The following MECOM variants were observed in gnomAD, a reference collection of about 807,000 sequenced individuals.
The protein encoded by MECOM is MDS1 and EVI1 complex locus, also known as histone-lysine N-methyltransferase MECOM.
In MECOM, 13 loss-of-function variants were observed where a neutral mutation model predicts 116.3. That is an observed-to-expected ratio of 0.11 (90% confidence interval 0.07 to 0.18). The LOEUF is 0.18. Ranked by LOEUF, MECOM falls within the 10% of genes least tolerant of loss-of-function variation. The probability of loss-of-function intolerance (pLI) is 1.00; values close to 1 mark genes in which losing one functional copy is unlikely to be tolerated. For missense variants in MECOM, 1,299 were observed against 1,509.0 expected, an observed-to-expected ratio of 0.86 and a Z score of 2.31; for synonymous variants, 528 against 535.2, an observed-to-expected ratio of 0.99 and a Z score of 0.19.
chr3:169,114,028 C>A (rs11917303), intron 8 of MECOM, among the ~76,000 whole-genome samples: 90,093 of 151,574 alleles, frequency 0.59, 26,961 homozygotes, highest in Admixed American at 0.67. Flanking sequence ...AGGATGAGTG[C>A]AAGAGATATG....
intron 1 of MECOM, among the ~76,000 whole-genome samples, chr3:169,406,937 G>A (rs557266187): frequency 4.6e-5 from 7 of 150,706 alleles, no homozygotes; most frequent in Middle Eastern, 6.8e-3. Context: ...CACCTCTCCC[G>A]GATTCAAGAA....
rs79152087 is a variant in MECOM, at chr3:169,457,391, C to G, written c.38-75867G>C. ...TCGGCCAAAGGATTAAGCATTAGCT[C>G]CAGGAGTGCAGATAAAATGATTAAG... On this transcript the variant is annotated intron_variant, in intron 1 of 16. Transcript: ENST00000651503. Among the ~76,000 whole-genome samples the G allele has an allele frequency of 1.9e-3, 288 of 152,150 alleles. 5 individuals are homozygous for G. The East Asian group carries it at 0.05, about 26-fold the overall frequency.
chr3:169,340,703 T>G (rs1724352095), intron 2 of MECOM, among the ~76,000 whole-genome samples: 1 of 152,220 alleles, frequency 6.6e-6, no homozygotes, highest in African/African-American at 2.4e-5. Flanking sequence ...AAAATACATT[T>G]AGCCATTTGT....
chr3:169,379,175 C>G (rs1387921574), intron 2 of MECOM, among the ~76,000 whole-genome samples: 16 of 150,998 alleles, frequency 1.1e-4, no homozygotes, highest in Non-Finnish European at 1.9e-4. Flanking sequence ...AAAAAAAACC[C>G]TAAGAAGAAT....
At chr3:169,170,346 G>A (rs1275937980) in intron 2 of MECOM, among the ~76,000 whole-genome samples, 1 of 143,776 alleles carries the variant, frequency 7.0e-6, no homozygotes, top group Non-Finnish European at 1.5e-5. Flanking sequence ...GGCGGAGGTT[G>A]CAGTGAGCCA....
chr3:169,323,019 A>AC, intron 2 of MECOM, among the ~76,000 whole-genome samples: 1 of 150,036 alleles, frequency 6.7e-6, no homozygotes, highest in Admixed American at 6.6e-5. Flanking sequence ...AAAAAAAAAA[A>AC]AAAAAAAGCA....
chr3:169,143,267 CTG>C (rs2149284039), intron 3 of MECOM, among the ~76,000 whole-genome samples: 1 of 152,146 alleles, frequency 6.6e-6, no homozygotes. Context: ...TAAGATAACA[CTG>C]ATACTATGCA....
chr3:169,257,897 A>AC (rs1757043185), intron 2 of MECOM, among the ~76,000 whole-genome samples: 1 of 152,110 alleles, frequency 6.6e-6, no homozygotes, highest in Non-Finnish European at 1.5e-5. Flanking sequence ...TAGCAGTGTA[A>AC]CCCCCAAATA....
Position 169,089,313 on chromosome 3 carries a change from C to T in MECOM, c.3402-130G>A, listed in dbSNP as rs139609161. ...ATCTGCAAGGTAAAGTAGCATGCAT[C>T]AATTATTGGGTTTTTATAAATACTT... On this transcript the variant is annotated intron_variant, in intron 15 of 16. Transcript: ENST00000651503. 1,767 of 551,868 alleles carry T rather than the reference C, an allele frequency of 3.2e-3. 17 individuals carry two copies. The highest frequency in any genetic ancestry group is 0.022 in the African/African-American group (1,124 of 51,186). The allele number at this position is 551,868 out of a possible 1,614,324, so 34.2% of individuals were successfully genotyped here. A position where few individuals can be genotyped will look rare whatever the true frequency, so the allele number is the denominator to read the frequency against.
At chr3:169,461,835 C>T (rs1430865514) in intron 1 of MECOM, among the ~76,000 whole-genome samples, 1 of 152,062 alleles carries the variant, frequency 6.6e-6, no homozygotes, top group Admixed American at 6.6e-5. Context: ...TCAGCCAATT[C>T]CAAGGATCTT....
chr3:169,110,824 C>T (rs955073405), intron 9 of MECOM, among the ~76,000 whole-genome samples: 6 of 152,142 alleles, frequency 3.9e-5, no homozygotes, highest in Non-Finnish European at 7.3e-5. Context: ...TACACCAAGA[C>T]GTGACATTCT....
Position 169,508,099 on chromosome 3 carries a change from C to A in MECOM, c.38-126575G>T, listed in dbSNP as rs567988399. ...AATAACATTTTGAATATACTATGTG[C>A]TCAATAGGTCATAGTTGTACCTAAC... On this transcript the variant is annotated intron_variant, in intron 1 of 16. Coordinates refer to ENST00000651503, the MANE Select transcript of MECOM (RefSeq NM_004991.4). 3.3e-5 allele frequency among the ~76,000 whole-genome samples: 5 copies of A among 152,232 alleles called. No individual in the cohort carries two copies. The South Asian group carries it at 1.0e-3, about 32-fold the overall frequency.
chr3:169,619,707 A>C (rs1267049653), intron 1 of MECOM, among the ~76,000 whole-genome samples: 2 of 152,188 alleles, frequency 1.3e-5, no homozygotes, highest in African/African-American at 4.8e-5. Context: ...AGTGACTACC[A>C]AAGAAATATC....
chr3:169,320,983 T>C (rs946024405), intron 2 of MECOM, among the ~76,000 whole-genome samples: 6 of 152,134 alleles, frequency 3.9e-5, no homozygotes, highest in African/African-American at 1.4e-4. Context: ...GCTAATAACT[T>C]ACCAGAAAAT....
chr3:169,327,543 C>G (rs558995060), intron 2 of MECOM, among the ~76,000 whole-genome samples: 3 of 145,780 alleles, frequency 2.1e-5, no homozygotes, highest in African/African-American at 7.6e-5. Flanking sequence ...GAGGCTGAGG[C>G]GGGAGAATTG....
In MECOM at chr3:169,211,143, T is replaced by C. The variant is rs143394017; in HGVS notation, c.376-67311A>G. On this transcript the variant is annotated intron_variant, in intron 2 of 16. Coordinates refer to ENST00000651503, the MANE Select transcript of MECOM (RefSeq NM_004991.4). ...CCTTGGATAACTACTTAAGAGTGAC[T>C]TGCCGGAGTATACAGTAAGAAACTT... is the stretch of plus-strand genomic sequence containing the variant. 3.7e-3 allele frequency among the ~76,000 whole-genome samples: 567 copies of C among 152,278 alleles called. 3 individuals are homozygous for C. The highest frequency in any genetic ancestry group is 0.013 in the African/African-American group (552 of 41,562).
chr3:169,139,465 G>A (rs16853231), intron 3 of MECOM, among the ~76,000 whole-genome samples: 9,793 of 151,940 alleles, frequency 0.064, 468 homozygotes, highest in South Asian at 0.23. Context: ...CAAAGTACTC[G>A]CCCAGATCAT....
intron 2 of MECOM, among the ~76,000 whole-genome samples, chr3:169,210,157 G>A (rs1469789622): frequency 6.6e-6 from 1 of 151,738 alleles, no homozygotes; most frequent in East Asian, 1.9e-4. Context: ...ACAGGGAGGG[G>A]AATAACACAC....
At chr3:169,302,621 T>C (rs1408332505) in intron 2 of MECOM, among the ~76,000 whole-genome samples, 1 of 152,124 alleles carries the variant, frequency 6.6e-6, no homozygotes, top group African/African-American at 2.4e-5. Flanking sequence ...TCCCAGCACT[T>C]TGGGAGGCCG....
Sources: allele counts gnomAD v4.1 joint callset (sites outside exome capture counted in the v4.1 genomes callset), GRCh38; gene constraint gnomAD v4.1.1; transcripts MANE v1.5; gene names NCBI Gene and HGNC (gene_info 2026-07-23, HGNC 2026-07-21).